Variants in NRG3 observed in about 807,000 individuals in gnomAD.
NRG3 encodes neuregulin 3.
NRG3 carries 31 observed loss-of-function variants against 66.9 expected under a neutral mutation model. The observed-to-expected ratio is 0.46, with a 90% CI of 0.35 to 0.63. NRG3 has a LOEUF of 0.63. NRG3 is among the 20% of genes least tolerant of loss of function. The pLI is 0.00. For synonymous variants in NRG3, 393 were observed against 359.4 expected, an observed-to-expected ratio of 1.09 and a Z score of -1.06; for missense variants, 910 against 878.9, an observed-to-expected ratio of 1.04 and a Z score of -0.45.
intron 2 of NRG3, among the ~76,000 whole-genome samples, chr10:82,679,754 T>C (rs1384256396): frequency 6.6e-6 from 1 of 152,096 alleles, no homozygotes; most frequent in Non-Finnish European, 1.5e-5. Flanking sequence ...ACAAAATAAT[T>C]ACGAAGTGGG....
intron 1 of NRG3, among the ~76,000 whole-genome samples, chr10:82,094,715 A>T (rs1328013594): frequency 6.6e-6 from 1 of 152,238 alleles, no homozygotes; most frequent in African/African-American, 2.4e-5. Flanking sequence ...AAACAGGGTG[A>T]AATCATGTTT....
At chr10:82,943,763 G>A (rs909732120) in intron 4 of NRG3, among the ~76,000 whole-genome samples, 1 of 152,024 alleles carries the variant, frequency 6.6e-6, no homozygotes, top group Non-Finnish European at 1.5e-5. Flanking sequence ...AGGTTTCTAG[G>A]TATTCCATGT....
At chr10:82,177,161 A>G (rs1373621701) in intron 1 of NRG3, among the ~76,000 whole-genome samples, 1 of 152,046 alleles carries the variant, frequency 6.6e-6, no homozygotes, top group South Asian at 2.1e-4. Flanking sequence ...TTATATTACT[A>G]TCATTTTTCA....
chr10:81,992,631 A>G (rs1222512879), intron 1 of NRG3, among the ~76,000 whole-genome samples: 2 of 152,166 alleles, frequency 1.3e-5, no homozygotes, highest in Non-Finnish European at 2.9e-5. Flanking sequence ...CTTTTCTAAC[A>G]CTGTGGATGA....
At chr10:82,536,127 T>G (rs1332700852) in intron 2 of NRG3, among the ~76,000 whole-genome samples, 1 of 152,168 alleles carries the variant, frequency 6.6e-6, no homozygotes, top group African/African-American at 2.4e-5. Flanking sequence ...AGCAATCAGT[T>G]ACACTCTAAT....
At chr10:82,778,896 T>C (rs2060011518) in intron 3 of NRG3, among the ~76,000 whole-genome samples, 1 of 151,526 alleles carries the variant, frequency 6.6e-6, no homozygotes. Flanking sequence ...CAGCAGTGAC[T>C]GGGATGCGGG....
chr10:82,575,215 A>G (rs1044281247), intron 2 of NRG3, among the ~76,000 whole-genome samples: 17 of 151,800 alleles, frequency 1.1e-4, no homozygotes, highest in African/African-American at 3.6e-4. Context: ...TAGAAAACAA[A>G]AACAAATCTG....
At chr10:82,815,726 G>C (rs1195390475) in intron 3 of NRG3, among the ~76,000 whole-genome samples, 2 of 152,062 alleles carry the variant, frequency 1.3e-5, no homozygotes. Context: ...CCTAAGTATT[G>C]CTCACACCTG....
intron 2 of NRG3, among the ~76,000 whole-genome samples, chr10:82,518,745 T>C (rs1184812085): frequency 2.0e-5 from 3 of 151,734 alleles, no homozygotes; most frequent in Non-Finnish European, 4.4e-5. Context: ...GAAGGAAGGG[T>C]GGTCTGAATG....
chr10:82,707,846 TAAAAAAAAAA>T (rs373670610), intron 2 of NRG3, among the ~76,000 whole-genome samples: 6 of 82,646 alleles, frequency 7.3e-5, no homozygotes, highest in South Asian at 4.8e-4. Flanking sequence ...TCATCTCTAC[TAAAAAAAAAA>T]AAAAAAAAAA....
At chr10:81,977,563 A>G (rs1025100274) in intron 1 of NRG3, among the ~76,000 whole-genome samples, 1 of 152,160 alleles carries the variant, frequency 6.6e-6, no homozygotes, top group African/African-American at 2.4e-5. Context: ...GAGCTAATCA[A>G]TGGGTGTGTT....
chr10:82,976,922 T>C (rs1564686959), intron 7 of NRG3, among the ~76,000 whole-genome samples: 2 of 152,136 alleles, frequency 1.3e-5, no homozygotes, highest in African/African-American at 4.8e-5. Flanking sequence ...AATAACAGCT[T>C]CCCATAGTAG....
At chr10:82,900,402 G>A (rs1424303641) in intron 4 of NRG3, among the ~76,000 whole-genome samples, 1 of 151,752 alleles carries the variant, frequency 6.6e-6, no homozygotes, top group African/African-American at 2.4e-5. Context: ...TTTTTCTCCA[G>A]CATAATACTG....
At chr10:82,096,552 C>T (rs2066361492) in intron 1 of NRG3, among the ~76,000 whole-genome samples, 1 of 151,522 alleles carries the variant, frequency 6.6e-6, no homozygotes, top group African/African-American at 2.4e-5. Flanking sequence ...CCGTCACTCA[C>T]CAAAAAGAAC....
At chr10:82,944,863 C>T (rs964055512) in intron 4 of NRG3, among the ~76,000 whole-genome samples, 53 of 152,228 alleles carry the variant, frequency 3.5e-4, no homozygotes, top group African/African-American at 1.3e-3. Context: ...GGATATAGTG[C>T]ATGGTCTCAG....
chr10:82,823,027 C>A (rs2062021666), intron 3 of NRG3, among the ~76,000 whole-genome samples: 1 of 152,112 alleles, frequency 6.6e-6, no homozygotes, highest in Admixed American at 6.5e-5. Flanking sequence ...CATTGTTATT[C>A]CCCTTTTACT....
intron 3 of NRG3, among the ~76,000 whole-genome samples, chr10:82,780,098 C>A (rs1013790909): frequency 3.9e-5 from 6 of 152,216 alleles, no homozygotes; most frequent in Non-Finnish European, 8.8e-5. Flanking sequence ...ATATGTGCCA[C>A]ATTTTCTTTA....
intron 1 of NRG3, among the ~76,000 whole-genome samples, chr10:82,162,763 T>C (rs564338190): frequency 6.6e-6 from 1 of 152,298 alleles, no homozygotes; most frequent in South Asian, 2.1e-4. Context: ...CTCAGAGCTC[T>C]TTCTAGCACG....
At chr10:81,899,604 T>C (rs1350063798) in intron 1 of NRG3, among the ~76,000 whole-genome samples, 1 of 151,698 alleles carries the variant, frequency 6.6e-6, no homozygotes, top group South Asian at 2.1e-4. Flanking sequence ...TCCTGGAGAG[T>C]GTGTGTGTTC....
Sources: allele counts gnomAD v4.1 joint callset (sites outside exome capture counted in the v4.1 genomes callset), GRCh38; gene constraint gnomAD v4.1.1; transcripts MANE v1.5; gene names NCBI Gene and HGNC (gene_info 2026-07-23, HGNC 2026-07-21).